ARFGAP3: variants seen among roughly 807,000 people sequenced by gnomAD.
The protein encoded by ARFGAP3 is ARF GTPase activating protein 3.
ARFGAP3 carries 72 observed loss-of-function variants against 75.0 expected under a neutral mutation model. That is an observed-to-expected ratio of 0.96 (90% CI 0.79 to 1.17). ARFGAP3 has a LOEUF of 1.17. ARFGAP3 is among the 50% of genes most tolerant of loss of function. The pLI, the probability that ARFGAP3 is intolerant of heterozygous loss-of-function variation, is 0.00. For synonymous variants in ARFGAP3, 221 were observed against 217.9 expected, an observed-to-expected ratio of 1.01 and a Z score of -0.13; for missense variants, 620 against 626.6, an observed-to-expected ratio of 0.99 and a Z score of 0.11.
intron 11 of ARFGAP3, among the ~76,000 whole-genome samples, chr22:42,814,016 A>G (rs1925478199): frequency 6.6e-6 from 1 of 152,250 alleles, no homozygotes; most frequent in South Asian, 2.1e-4. Context: ...GCTCTGATTT[A>G]GAGCTATAGA....
At chr22:42,827,111 G>T in intron 6 of ARFGAP3, 112 bp from the exon 7 acceptor site, 1 of 1,438,274 alleles carries the variant, frequency 7.0e-7, no homozygotes, top group Non-Finnish European at 9.1e-7. Flanking sequence ...TTTTGTCAAT[G>T]ATCACCTACC....
At chr22:42,852,878 C>A (rs1044907524) in intron 1 of ARFGAP3, among the ~76,000 whole-genome samples, 1 of 152,002 alleles carries the variant, frequency 6.6e-6, no homozygotes, top group Non-Finnish European at 1.5e-5. Context: ...GATTCTCCTG[C>A]CTCAGCCTCC....
intron 14 of ARFGAP3, among the ~76,000 whole-genome samples, chr22:42,805,797 G>A (rs901309605): frequency 2.6e-5 from 4 of 152,340 alleles, no homozygotes; most frequent in Non-Finnish European, 4.4e-5. Flanking sequence ...CGGATGTGCC[G>A]GGGCTTGTCC....
intron 2 of ARFGAP3, 94 bp from the exon 3 acceptor site, chr22:42,841,110 G>T: frequency 6.7e-7 from 1 of 1,499,564 alleles, no homozygotes. Context: ...TAGGCTTTAG[G>T]ATCCTAAAGA....
chr22:42,827,691 T>C (rs1926104434), intron 6 of ARFGAP3, among the ~76,000 whole-genome samples: 1 of 152,128 alleles, frequency 6.6e-6, no homozygotes, highest in Non-Finnish European at 1.5e-5. Context: ...CTAATACCAA[T>C]TACATCAGTG....
rs1198724472 is a variant in ARFGAP3, at chr22:42,848,782, G to GA, written c.70-1151_70-1150insT. Among the ~76,000 whole-genome samples the GA allele has an allele frequency of 2.6e-5, 4 of 152,162 alleles. No individual in the cohort carries two copies. In the East Asian group the frequency reaches 7.7e-4, roughly 29 times the overall value. ...GCAGCCAGACTCCAAGATGGCCCCA[G>GA]TGAAACCCACCTCCTGGTATTTGCA... On this transcript the variant is annotated intron_variant, in intron 1 of 15. Coordinates refer to ENST00000263245, the MANE Select transcript of ARFGAP3 (RefSeq NM_014570.5).
chr22:42,854,447 A>C (rs1927411572), intron 1 of ARFGAP3, among the ~76,000 whole-genome samples: 1 of 152,168 alleles, frequency 6.6e-6, no homozygotes, highest in Admixed American at 6.6e-5. Context: ...CAATATGGTG[A>C]AACTCCATTA....
chr22:42,810,856 T>C lies in ARFGAP3; in HGVS notation c.1153A>G (p.Lys385Glu), dbSNP rs1273970956. 3.7e-6 allele frequency: 6 copies of C among 1,614,248 alleles called. No homozygotes were observed. Among genetic ancestry groups the C allele is most frequent in the Non-Finnish European group, 5.1e-6 (6 of 1,180,044 alleles). ...GTTTTCAGAACTGTTTCAGTATCTT[T>C]GCTGGTCTCTTTTTTCCAATAGGAA... ...SDSYWKKETS[K>E]DTETVLKTTG... is the part of the protein sequence containing the mutation. The change falls in exon 12 of 16, where the codon AAA (lysine) becomes GAA (glutamate). Residue 385 changes from lysine to glutamate, a missense_variant. Transcript: ENST00000263245.
intron 1 of ARFGAP3, among the ~76,000 whole-genome samples, chr22:42,851,611 A>G (rs969853986): frequency 6.6e-6 from 1 of 152,190 alleles, no homozygotes; most frequent in African/African-American, 2.4e-5. Context: ...AGAAGTGGTG[A>G]GAAATACAGG....
At chr22:42,855,680 C>T (rs1441679396) in intron 1 of ARFGAP3, among the ~76,000 whole-genome samples, 2 of 148,416 alleles carry the variant, frequency 1.3e-5, no homozygotes, top group Admixed American at 6.7e-5. Flanking sequence ...AAGGCTCTGT[C>T]TCAAAAAAAT....
At chr22:42,802,740 T>C (rs1188496413) in intron 14 of ARFGAP3, among the ~76,000 whole-genome samples, 1 of 151,294 alleles carries the variant, frequency 6.6e-6, no homozygotes, top group Non-Finnish European at 1.5e-5. Context: ...TTGCTGGGAC[T>C]ACAGGCGCCC....
intron 6 of ARFGAP3, 114 bp from the exon 7 acceptor site, chr22:42,827,113 T>C (rs1170072277): frequency 5.2e-5 from 74 of 1,432,806 alleles, no homozygotes; most frequent in Non-Finnish European, 6.6e-5. Flanking sequence ...TTGTCAATGA[T>C]CACCTACCTT....
chr22:42,826,564 G>T (rs935099062), intron 7 of ARFGAP3, among the ~76,000 whole-genome samples: 1 of 151,806 alleles, frequency 6.6e-6, no homozygotes, highest in African/African-American at 2.4e-5. Flanking sequence ...TGTTGTTGTT[G>T]TTGTTGTTGT....
chr22:42,832,240 G>A (rs1458156359), intron 5 of ARFGAP3, among the ~76,000 whole-genome samples: 3 of 151,150 alleles, frequency 2.0e-5, no homozygotes, highest in Non-Finnish European at 2.9e-5. Flanking sequence ...TGAAAATTAA[G>A]GAATAAGCTG....
At chr22:42,813,606 T>C (rs1022175371) in intron 11 of ARFGAP3, among the ~76,000 whole-genome samples, 1 of 152,244 alleles carries the variant, frequency 6.6e-6, no homozygotes, top group South Asian at 2.1e-4. Flanking sequence ...TGGGTCCCCC[T>C]GACCAGCATG....
At chr22:42,828,016 G>C (rs1357118973) in intron 6 of ARFGAP3, among the ~76,000 whole-genome samples, 1 of 152,260 alleles carries the variant, frequency 6.6e-6, no homozygotes, top group African/African-American at 2.4e-5. Flanking sequence ...GGCTTGTGGT[G>C]GCTTATGCCT....
chr22:42,856,499 A>T (rs1051828986), intron 1 of ARFGAP3, among the ~76,000 whole-genome samples: 2 of 151,954 alleles, frequency 1.3e-5, no homozygotes, highest in Non-Finnish European at 2.9e-5. Flanking sequence ...GCCTCTGGAG[A>T]CAAAAAAAAA....
chr22:42,842,676 T>C (rs1039384340), intron 2 of ARFGAP3, among the ~76,000 whole-genome samples: 1 of 152,024 alleles, frequency 6.6e-6, no homozygotes, highest in Non-Finnish European at 1.5e-5. Flanking sequence ...CTCGAACTCC[T>C]GGCCTCAAGC....
At chr22:42,812,013 C>T (rs538416779) in intron 11 of ARFGAP3, among the ~76,000 whole-genome samples, 1 of 151,834 alleles carries the variant, frequency 6.6e-6, no homozygotes, top group Non-Finnish European at 1.5e-5. Context: ...CCCATCTCTA[C>T]AAAAAATGCA....
Sources: allele counts gnomAD v4.1 joint callset (sites outside exome capture counted in the v4.1 genomes callset), GRCh38; gene constraint gnomAD v4.1.1; transcripts MANE v1.5; gene names NCBI Gene and HGNC (gene_info 2026-07-23, HGNC 2026-07-21).